The following SPATA19 variants were observed in gnomAD, a reference collection of about 807,000 sequenced individuals.
SPATA19 encodes the protein spermatogenesis associated 19, also known as spermatogenesis-associated protein 19, mitochondrial.
Under a neutral mutation model 25.0 loss-of-function variants are expected in SPATA19, and 19 were observed. The observed-to-expected ratio is 0.76, with a 90% confidence interval of 0.53 to 1.11. The LOEUF (loss-of-function observed/expected upper bound fraction) is 1.11. Ranked by LOEUF, SPATA19 falls within the 50% of genes most tolerant of loss-of-function variation. The pLI is 0.00. For missense variants in SPATA19, 222 were observed against 211.4 expected, an observed-to-expected ratio of 1.05 and a Z score of -0.31; for synonymous variants, 64 against 69.3, an observed-to-expected ratio of 0.92 and a Z score of 0.38.
intron 4 of SPATA19, 77 bp downstream of exon 4, chr11:133,844,169 T>A (rs1026224554): frequency 8.4e-7 from 1 of 1,197,344 alleles, no homozygotes; most frequent in African/African-American, 1.5e-5. Context: ...GAGAAGAGCA[T>A]CTGAGGGTTC....
intron 4 of SPATA19, among the ~76,000 whole-genome samples, chr11:133,843,279 C>T (rs1024468436): frequency 2.0e-5 from 3 of 152,048 alleles, no homozygotes; most frequent in Non-Finnish European, 2.9e-5. Flanking sequence ...GCACAATGTC[C>T]GCAATTCCAT....
Position 133,844,210 on chromosome 11 carries a change from C to A in SPATA19, c.359+36G>T, listed in dbSNP as rs374359942. ...GAGAGGGGCTTGCGCATCTCTCCCT[C>A]CCCTTCCTTCGCCCAGGGCAAGTGG... On this transcript the variant is annotated intron_variant, in intron 4 of 6. Transcript: ENST00000299140. 3 of 1,564,898 alleles carry A rather than the reference C, an allele frequency of 1.9e-6. 1 individual carries two copies. The highest frequency in any genetic ancestry group is 3.3e-5 in the Admixed American group (2 of 59,972).
downstream of SPATA19, among the ~76,000 whole-genome samples, chr11:133,839,927 G>T (rs1434359071): frequency 6.6e-6 from 1 of 151,932 alleles, no homozygotes; most frequent in Non-Finnish European, 1.5e-5. Context: ...CCAAACAACA[G>T]ATCCTGGAAT....
At chr11:133,843,134 T>C (rs1938346165) in intron 4 of SPATA19, among the ~76,000 whole-genome samples, 1 of 152,094 alleles carries the variant, frequency 6.6e-6, no homozygotes, top group African/African-American at 2.4e-5. Context: ...TTGTAGAAAA[T>C]CCAGAGTGGA....
At chr11:133,841,654 T>G (rs965015183) in intron 6 of SPATA19, among the ~76,000 whole-genome samples, 30 of 152,216 alleles carry the variant, frequency 2.0e-4, no homozygotes, top group African/African-American at 7.0e-4. Context: ...CACTACGATC[T>G]GTGACTCAAG....
intron 4 of SPATA19, among the ~76,000 whole-genome samples, chr11:133,843,864 T>C (rs1938363699): frequency 6.6e-6 from 1 of 152,250 alleles, no homozygotes; most frequent in African/African-American, 2.4e-5. Context: ...CCTCGGGCGC[T>C]GGGAAGCCTC....
At chr11:133,843,952 GC>G in intron 4 of SPATA19, among the ~76,000 whole-genome samples, 1 of 152,364 alleles carries the variant, frequency 6.6e-6, no homozygotes, top group Non-Finnish European at 1.5e-5. Flanking sequence ...TTAAAGTGCA[GC>G]CACTTCTGAG....
chr11:133,844,189 G>C lies in SPATA19; in HGVS notation c.359+57C>G, dbSNP rs1169442261. ...GAGCATCTGAGGGTTCGTGAAGAGA[G>C]GGGCTTGCGCATCTCTCCCTCCCCT... On this transcript the variant is annotated intron_variant, in intron 4 of 6. Transcript: ENST00000299140. 29 of 1,411,224 alleles carry C rather than the reference G, an allele frequency of 2.1e-5. No homozygotes were observed. In the South Asian group the frequency reaches 2.9e-4, roughly 14 times the overall value. 87.4% of individuals were successfully genotyped at this position (1,411,224 alleles called of 1,614,324 possible).
rs753720596 is a variant in SPATA19, at chr11:133,845,127, TACTC to T, written c.135+3_135+6del. 1.1e-5 allele frequency: 17 copies of T among 1,612,698 alleles called. No individual in the cohort carries two copies. The highest frequency in any genetic ancestry group is 1.4e-5 in the Non-Finnish European group (16 of 1,179,000). Reference sequence around the variant, plus strand: ...GATATCCTGAGTCATAAAGAAATCTTACTCACTTTTTTCAACCAATGATGTAGTA... The same window carrying T: ...GATATCCTGAGTCATAAAGAAATCTTACTTTTTTCAACCAATGATGTAGTA... On this transcript the variant is annotated splice_donor_5th_base_variant and intron_variant, in intron 2 of 6. Transcript: ENST00000299140.
Position 133,845,480 on chromosome 11 carries a change from C to T in SPATA19, c.-34G>A, listed in dbSNP as rs1275603649. Reference sequence around the variant, plus strand: ...GTATACCAGGCCCCCTTCTTGGCTCCCTCCTTCCATTGAAGCTGCCTGAGA... The same window carrying T: ...GTATACCAGGCCCCCTTCTTGGCTCTCTCCTTCCATTGAAGCTGCCTGAGA... On this transcript the variant is annotated 5_prime_UTR_variant, in exon 1 of 7. Transcript: ENST00000299140. 1.2e-6 allele frequency: 2 copies of T among 1,611,580 alleles called. No homozygotes were observed. Among genetic ancestry groups the T allele is most frequent in the South Asian group, 1.1e-5 (1 of 90,886 alleles).
chr11:133,839,759 G>T (rs1020527640), downstream of SPATA19, among the ~76,000 whole-genome samples: 1 of 151,710 alleles, frequency 6.6e-6, no homozygotes, highest in Non-Finnish European at 1.5e-5. Flanking sequence ...AGAAAAGAGT[G>T]GAAAAAAGTG....
chr11:133,838,242 G>C (rs1257091297), downstream of SPATA19, among the ~76,000 whole-genome samples: 1 of 152,064 alleles, frequency 6.6e-6, no homozygotes, highest in African/African-American at 2.4e-5. Flanking sequence ...CAACACGCAA[G>C]AACAGATGGG....
At chr11:133,839,805 G>T (rs976923065), downstream of SPATA19, among the ~76,000 whole-genome samples, 11 of 152,018 alleles carry the variant, frequency 7.2e-5, no homozygotes, top group Non-Finnish European at 1.2e-4. Flanking sequence ...AATCTCAAAA[G>T]GTGTCACATA....
Position 133,841,147 on chromosome 11 carries a change from T to C in SPATA19, c.*10-224A>G, listed in dbSNP as rs551453888. ...CCTCCAAAGTAGATACTCTGTTGCATTGAGGAAATTGAGGCACAGTGGCAT... is the reference window on the plus strand; with the variant it reads ...CCTCCAAAGTAGATACTCTGTTGCACTGAGGAAATTGAGGCACAGTGGCAT... On this transcript the variant is annotated intron_variant, in intron 6 of 6. Transcript: ENST00000299140. 1.1e-3 allele frequency among the ~76,000 whole-genome samples: 161 copies of C among 152,240 alleles called. 2 individuals carry two copies. The highest frequency in any genetic ancestry group is 8.9e-3 in the South Asian group (43 of 4,806).
Position 133,842,099 on chromosome 11 carries a change from GGA to G in SPATA19, c.442_443del (p.Ser148ProfsTer83). 6.2e-7 allele frequency: 1 copy of G among 1,614,062 alleles called. No individual in the cohort carries two copies. Among genetic ancestry groups the G allele is most frequent in the Non-Finnish European group, 8.5e-7 (1 of 1,180,028 alleles). On this transcript the variant is annotated frameshift_variant, in exon 6 of 7. Coordinates refer to ENST00000299140, the MANE Select transcript of SPATA19 (RefSeq NM_174927.3). LOFTEE classifies it high-confidence loss of function. ...CCTGAGCTGAGACATCTGTAAGACG[GGA>G]TATGCTGCAGGGGACAGAGGAGAAG... is the stretch of plus-strand genomic sequence containing the variant. ...DRIEQVRRSISRLTDVSAQDF... is the reference protein window; with the variant it reads ...DRIEQVRRSIXRLTDVSAQDF...
Position 133,844,591 on chromosome 11 carries a change from T to C in SPATA19, c.185A>G (p.His62Arg), listed in dbSNP as rs753200052. Reference sequence around the variant, plus strand: ...CTTCTCCCTTACACCCTGGGAAGGGTGGTTGATGGACAGCTTTTCCTTTAT... The same window carrying C: ...CTTCTCCCTTACACCCTGGGAAGGGCGGTTGATGGACAGCTTTTCCTTTAT... ...RGIKEKLSIN[H>R]PSQGVREKMS... Residue 62 changes from histidine (H) to arginine (R), a missense_variant, in exon 3 of 7, where the codon CAC becomes CGC. Coordinates refer to ENST00000299140, the MANE Select transcript of SPATA19 (RefSeq NM_174927.3). 112 of 1,613,538 alleles carry C rather than the reference T, an allele frequency of 6.9e-5. No individual in the cohort carries two copies. The highest frequency in any genetic ancestry group is 9.4e-5 in the Non-Finnish European group (111 of 1,179,830).
downstream of SPATA19, among the ~76,000 whole-genome samples, chr11:133,836,344 G>A (rs906617413): frequency 1.3e-5 from 2 of 152,176 alleles, no homozygotes; most frequent in South Asian, 2.1e-4. Context: ...GAAAGGTGGT[G>A]GGGAGAGAAA....
At chr11:133,839,244 C>T (rs573933143), downstream of SPATA19, among the ~76,000 whole-genome samples, 206 of 152,140 alleles carry the variant, frequency 1.4e-3, no homozygotes, top group Non-Finnish European at 2.5e-3. Context: ...ATGTTTATTG[C>T]GGCACTATTC....
intron 1 of SPATA19, 23 bp downstream of exon 1, chr11:133,845,346 G>T (rs1938398287): frequency 1.3e-6 from 2 of 1,577,036 alleles, no homozygotes; most frequent in Non-Finnish European, 1.7e-6. Flanking sequence ...ATTATTCCAT[G>T]TGACTACCAC....
Sources: allele counts gnomAD v4.1 joint callset (sites outside exome capture counted in the v4.1 genomes callset), GRCh38; gene constraint gnomAD v4.1.1; transcripts MANE v1.5; gene names NCBI Gene and HGNC (gene_info 2026-07-23, HGNC 2026-07-21).